The following BTRC variants were observed in gnomAD, a reference collection of about 807,000 sequenced individuals.
BTRC encodes the protein F-box/WD repeat-containing protein 1A.
In BTRC, 42 loss-of-function variants were observed where a neutral mutation model predicts 85.5. That is an observed-to-expected ratio of 0.49 (90% CI 0.38 to 0.64). BTRC has a LOEUF of 0.64. Ranked by LOEUF, BTRC falls within the 30% of genes least tolerant of loss-of-function variation. BTRC has a pLI of 0.00. For missense variants in BTRC, 594 were observed against 743.5 expected, an observed-to-expected ratio of 0.80 and a Z score of 2.34; for synonymous variants, 255 against 263.3, an observed-to-expected ratio of 0.97 and a Z score of 0.30.
At chr10:101,467,972 C>A (rs1322254348) in intron 3 of BTRC, among the ~76,000 whole-genome samples, 1 of 152,132 alleles carries the variant, frequency 6.6e-6, no homozygotes. Flanking sequence ...CCAAATCTGA[C>A]GAAGTGATTT....
intron 13 of BTRC, among the ~76,000 whole-genome samples, chr10:101,547,362 A>T (rs2062575510): frequency 1.1e-5 from 1 of 91,568 alleles, no homozygotes; most frequent in African/African-American, 4.3e-5. Flanking sequence ...TTTGAGACGG[A>T]GTCTCACTCT....
intron 2 of BTRC, among the ~76,000 whole-genome samples, chr10:101,450,659 A>G (rs1012502202): frequency 4.6e-5 from 7 of 152,104 alleles, no homozygotes; most frequent in African/African-American, 1.7e-4. Flanking sequence ...TCAGTTTTCT[A>G]TTATTTTAGC....
At chr10:101,449,259 G>A (rs1395134386) in intron 2 of BTRC, among the ~76,000 whole-genome samples, 2 of 151,770 alleles carry the variant, frequency 1.3e-5, no homozygotes, top group Admixed American at 1.3e-4. Flanking sequence ...TATCCAAGGG[G>A]ATGAAAGTCA....
intron 1 of BTRC, among the ~76,000 whole-genome samples, chr10:101,402,869 A>G (rs12776008): frequency 0.14 from 21,261 of 152,256 alleles, 1,825 homozygotes; most frequent in Middle Eastern, 0.25. Context: ...TCCAGAGGTT[A>G]TAACAATAGT....
At chr10:101,478,636 C>CA (rs1564797252) in intron 3 of BTRC, among the ~76,000 whole-genome samples, 1 of 151,384 alleles carries the variant, frequency 6.6e-6, no homozygotes, top group African/African-American at 2.4e-5. Context: ...ACAAAAAATA[C>CA]AAAAAATTAG....
At chr10:101,475,216 GT>G (rs1232373119) in intron 3 of BTRC, among the ~76,000 whole-genome samples, 1 of 152,070 alleles carries the variant, frequency 6.6e-6, no homozygotes, top group Non-Finnish European at 1.5e-5. Context: ...AATAAAACAA[GT>G]TGGTAAATTT....
intron 4 of BTRC, among the ~76,000 whole-genome samples, chr10:101,517,695 A>G (rs1799992129): frequency 1.3e-5 from 2 of 152,318 alleles, no homozygotes; most frequent in Non-Finnish European, 2.9e-5. Flanking sequence ...AAAAGTTTCT[A>G]TTGATTTCTG....
intron 4 of BTRC, among the ~76,000 whole-genome samples, chr10:101,518,903 C>T (rs2062061019): frequency 6.6e-6 from 1 of 152,068 alleles, no homozygotes; most frequent in Non-Finnish European, 1.5e-5. Flanking sequence ...ACAAACTTAG[C>T]AAGTTAAAAC....
At position 101,450,074 on chromosome 10, in the gene BTRC, C is replaced by CA. The variant is rs35165403; in HGVS notation, c.157-11896dup. ...TGTTTTTAAATTAAGGCTTTAGAGC[C>CA]AAAAAAAAAAACCTGTAAAGTTTAA... On this transcript the variant is annotated intron_variant, in intron 2 of 14. Transcript: ENST00000370187. 2.4e-3 allele frequency among the ~76,000 whole-genome samples: 325 copies of CA among 134,426 alleles called. 1 individual carries two copies. Among genetic ancestry groups the CA allele is most frequent in the East Asian group, 9.2e-3 (43 of 4,688 alleles). 88.2% of individuals were successfully genotyped at this position (134,426 alleles called of 152,430 possible).
intron 13 of BTRC, among the ~76,000 whole-genome samples, chr10:101,545,021 C>G (rs2062538033): frequency 6.6e-6 from 1 of 151,624 alleles, no homozygotes; most frequent in Non-Finnish European, 1.5e-5. Context: ...CCACTGCACT[C>G]CAGCTTGGGT....
Position 101,421,624 on chromosome 10 carries a change from TC to T in BTRC, c.49-8715del, listed in dbSNP as rs1490601558. Among the ~76,000 whole-genome samples, 9 of 72,354 alleles carry T rather than the reference TC, an allele frequency of 1.2e-4. 1 individual carries two copies. The Admixed American group carries it at 1.6e-3, about 13-fold the overall frequency. The allele number at this position is 72,354 out of a possible 152,430, so 47.5% of individuals were successfully genotyped here. On this transcript the variant is annotated intron_variant, in intron 1 of 14. Coordinates refer to ENST00000370187, the MANE Select transcript of BTRC (RefSeq NM_033637.4). ...AATGCTATCCCTCCCCCCTCCCCCC[TC>T]CCCCCACCCCACAACAGGCCCTGAT...
At chr10:101,422,453 T>C (rs1381216924) in intron 1 of BTRC, among the ~76,000 whole-genome samples, 2 of 152,226 alleles carry the variant, frequency 1.3e-5, no homozygotes, top group Non-Finnish European at 2.9e-5. Flanking sequence ...TTTCTTTTGC[T>C]GTGCAGCTCT....
intron 13 of BTRC, among the ~76,000 whole-genome samples, chr10:101,539,277 A>G (rs1364776009): frequency 6.6e-6 from 1 of 152,220 alleles, no homozygotes; most frequent in African/African-American, 2.4e-5. Flanking sequence ...TGCTGCTTCC[A>G]TTAGAAAATT....
intron 2 of BTRC, among the ~76,000 whole-genome samples, chr10:101,454,444 A>C (rs563024564): frequency 3.3e-5 from 5 of 152,254 alleles, no homozygotes; most frequent in Admixed American, 1.3e-4. Context: ...TAGATGAGAT[A>C]ATCTTGTGTT....
chr10:101,522,133 C>T (rs1310988465), intron 5 of BTRC, among the ~76,000 whole-genome samples: 1 of 144,424 alleles, frequency 6.9e-6, no homozygotes, highest in Non-Finnish European at 1.5e-5. Flanking sequence ...CTCCACCTCC[C>T]GGCTTAACGC....
chr10:101,459,083 T>C (rs1257953881), intron 2 of BTRC, among the ~76,000 whole-genome samples: 1 of 152,228 alleles, frequency 6.6e-6, no homozygotes, highest in African/African-American at 2.4e-5. Flanking sequence ...TACACGCATA[T>C]GCCAAAGTAC....
chr10:101,553,091 G>C (rs3127241), intron 14 of BTRC, 64 bp from the exon 15 acceptor site: 96,017 of 152,472 alleles, frequency 0.63, 31,417 homozygotes, highest in East Asian at 0.85. Context: ...ATGTTCTTTT[G>C]TCTTCAAGCA....
At chr10:101,374,396 C>A (rs1343231957) in intron 1 of BTRC, among the ~76,000 whole-genome samples, 1 of 151,194 alleles carries the variant, frequency 6.6e-6, no homozygotes. Flanking sequence ...TGTCCAACAA[C>A]GATAGACTGG....
chr10:101,540,375 A>G (rs538082620), intron 13 of BTRC, among the ~76,000 whole-genome samples: 33 of 152,338 alleles, frequency 2.2e-4, no homozygotes, highest in African/African-American at 7.9e-4. Context: ...CATTTATTCA[A>G]AAGACTGTCC....
Sources: allele counts gnomAD v4.1 joint callset (sites outside exome capture counted in the v4.1 genomes callset), GRCh38; gene constraint gnomAD v4.1.1; transcripts MANE v1.5; gene names NCBI Gene and HGNC (gene_info 2026-07-23, HGNC 2026-07-21).